Variants in BLTP1 observed in about 807,000 individuals in gnomAD.
The protein encoded by BLTP1 is fragile site-associated protein.
chr4:122,321,429 CAT>C, the BLTP1 span, among the ~76,000 whole-genome samples: 23 of 150,630 alleles, frequency 1.5e-4, no homozygotes, highest in Middle Eastern at 3.4e-3. Context: ...TATACACACA[CAT>C]ATATACACAT....
At chr4:122,355,783 A>G in the BLTP1 span, 2 of 1,580,944 alleles carry the variant, frequency 1.3e-6, no homozygotes, top group Admixed American at 1.7e-5. Flanking sequence ...TCTCTTTATC[A>G]TTATGCATGT....
chr4:122,279,730 T>A, the BLTP1 span: 1 of 1,563,922 alleles, frequency 6.4e-7, no homozygotes, highest in Admixed American at 1.9e-5. Flanking sequence ...TTCTCTTTAC[T>A]TGGCTGTTGG....
At chr4:122,336,814 T>C in the BLTP1 span, 4 of 1,487,496 alleles carry the variant, frequency 2.7e-6, no homozygotes, top group South Asian at 2.6e-5. Context: ...GTATAAACAA[T>C]AAGGATCTTT....
At chr4:122,329,348 G>T in the BLTP1 span, among the ~76,000 whole-genome samples, 101 of 151,728 alleles carry the variant, frequency 6.7e-4, no homozygotes, top group Middle Eastern at 3.4e-3. Flanking sequence ...TTCTGTCAAT[G>T]TGACTTAAGT....
the BLTP1 span, among the ~76,000 whole-genome samples, chr4:122,205,178 A>C: frequency 6.6e-6 from 1 of 151,880 alleles, no homozygotes; most frequent in Non-Finnish European, 1.5e-5. Context: ...TTCTGTTTAA[A>C]TATCACCTTT....
At chr4:122,345,080 T>TTTCATATTTATTTGA in the BLTP1 span, 2 of 931,768 alleles carry the variant, frequency 2.1e-6, no homozygotes, top group Non-Finnish European at 2.6e-6. Context: ...GAGTAAAAAC[T>TTTCATATTTATTTGA]TTCATAATTA....
At chr4:122,179,737 C>A in the BLTP1 span, 1 of 590,142 alleles carries the variant, frequency 1.7e-6, no homozygotes, top group Non-Finnish European at 2.1e-6. Flanking sequence ...CACTTATGTA[C>A]AGAGAAACAT....
At chr4:122,287,533 T>C in the BLTP1 span, 1 of 975,772 alleles carries the variant, frequency 1.0e-6, no homozygotes, top group Non-Finnish European at 1.2e-6. Context: ...AGACACACTG[T>C]GCTGTGTCTC....
At chr4:122,243,045 G>A in the BLTP1 span, 47 of 1,612,450 alleles carry the variant, frequency 2.9e-5, no homozygotes, top group Non-Finnish European at 4.0e-5. Context: ...ACAGAGGCAT[G>A]CAACTTTCAG....
At chr4:122,214,557 C>A in the BLTP1 span, 1 of 943,722 alleles carries the variant, frequency 1.1e-6, no homozygotes, top group Non-Finnish European at 1.3e-6. Context: ...AATGTATTAC[C>A]ATCTACCTTA....
At chr4:122,160,764 A>G in the BLTP1 span, among the ~76,000 whole-genome samples, 2 of 152,198 alleles carry the variant, frequency 1.3e-5, no homozygotes, top group African/African-American at 2.4e-5. Flanking sequence ...AAGATAAACA[A>G]TCTGTTCAGG....
At chr4:122,360,016 T>C in the BLTP1 span, 1 of 985,382 alleles carries the variant, frequency 1.0e-6, no homozygotes, top group Non-Finnish European at 1.2e-6. Context: ...TTTTTCACCT[T>C]CTCACCAAGA....
chr4:122,276,526 C>G, the BLTP1 span: 1 of 984,480 alleles, frequency 1.0e-6, no homozygotes, highest in Non-Finnish European at 1.2e-6. Context: ...TAGTTTCATT[C>G]AATAGATGAA....
chr4:122,169,863 G>C, the BLTP1 span: 31 of 985,060 alleles, frequency 3.1e-5, no homozygotes, highest in South Asian at 1.2e-3. Context: ...TTTCCCCATG[G>C]AATAATGGAG....
the BLTP1 span, among the ~76,000 whole-genome samples, chr4:122,318,746 A>G: frequency 6.6e-6 from 1 of 152,330 alleles, no homozygotes; most frequent in Admixed American, 6.5e-5. Context: ...CGGTCCCATT[A>G]GAGTTTGAGT....
At chr4:122,266,709 A>G in the BLTP1 span, 10 of 1,345,956 alleles carry the variant, frequency 7.4e-6, no homozygotes, top group East Asian at 1.5e-4. Context: ...TAAAAGCTGC[A>G]TTTTCCTACA....
the BLTP1 span, among the ~76,000 whole-genome samples, chr4:122,215,836 C>G: frequency 6.6e-6 from 1 of 150,546 alleles, no homozygotes; most frequent in African/African-American, 2.5e-5. Flanking sequence ...TATCCCTCAC[C>G]CCCCCCATCC....
At chr4:122,346,690 T>C in the BLTP1 span, 19 of 1,613,582 alleles carry the variant, frequency 1.2e-5, no homozygotes, top group Non-Finnish European at 1.5e-5. Flanking sequence ...TTCTGGCATT[T>C]CCAAGAGCAT....
At chr4:122,351,008 G>A in the BLTP1 span, among the ~76,000 whole-genome samples, 1 of 152,126 alleles carries the variant, frequency 6.6e-6, no homozygotes, top group South Asian at 2.1e-4. Context: ...GTTCACTCTG[G>A]CTACTGTGTG....
Sources: gnomAD v4.1 joint callset for allele counts (sites outside exome capture counted in the v4.1 genomes callset) on GRCh38, gnomAD v4.1.1 for gene constraint, MANE v1.5 for transcripts, NCBI Gene and HGNC (gene_info 2026-07-23, HGNC 2026-07-21) for gene names.